The following SYNPR variants were observed in gnomAD, a reference collection of about 807,000 sequenced individuals.
The protein encoded by SYNPR is synaptoporin.
Under a neutral mutation model 32.9 loss-of-function variants are expected in SYNPR, and 23 were observed. That is an observed-to-expected ratio of 0.70 (90% CI 0.50 to 0.99). The LOEUF (loss-of-function observed/expected upper bound fraction) is 0.99, where lower values mean the gene tolerates loss of function less well. SYNPR is among the 50% of genes least tolerant of loss of function. The pLI is 0.00. For synonymous variants in SYNPR, 146 were observed against 135.9 expected (o/e 1.07, Z -0.52); for missense variants, 318 against 349.3 (o/e 0.91, Z 0.71).
intron 1 of SYNPR, among the ~76,000 whole-genome samples, chr3:63,237,598 G>A (rs1467643656): frequency 2.6e-5 from 4 of 152,068 alleles, no homozygotes; most frequent in Middle Eastern, 3.4e-3. Context: ...TTGGTTCTTA[G>A]TATGACGGAT....
At chr3:63,333,445 C>T (rs1478349381) in intron 2 of SYNPR, among the ~76,000 whole-genome samples, 1 of 152,130 alleles carries the variant, frequency 6.6e-6, no homozygotes, top group African/African-American at 2.4e-5. Context: ...GAAACAGACC[C>T]TTGTTCTGTA....
chr3:63,295,137 A>G (rs1446276455), intron 2 of SYNPR, among the ~76,000 whole-genome samples: 1 of 152,158 alleles, frequency 6.6e-6, no homozygotes, highest in Admixed American at 6.5e-5. Flanking sequence ...ATTAACTGAG[A>G]TAGCATTATG....
intron 2 of SYNPR, among the ~76,000 whole-genome samples, chr3:63,431,713 C>T (rs1699997837): frequency 6.6e-6 from 1 of 151,002 alleles, no homozygotes; most frequent in South Asian, 2.1e-4. Flanking sequence ...CACGAATCAT[C>T]AAGCCCATTA....
intron 2 of SYNPR, among the ~76,000 whole-genome samples, chr3:63,424,140 A>T (rs948143254): frequency 6.6e-6 from 1 of 152,214 alleles, no homozygotes; most frequent in Non-Finnish European, 1.5e-5. Context: ...TATCAATGTT[A>T]GTTCATTAAT....
At chr3:63,477,989 T>C (rs991712950) in intron 2 of SYNPR, among the ~76,000 whole-genome samples, 4 of 152,156 alleles carry the variant, frequency 2.6e-5, no homozygotes, top group African/African-American at 9.7e-5. Flanking sequence ...TGTTCGTTGA[T>C]CAAAGTACAT....
At chr3:63,287,905 A>C (rs770856730) in intron 2 of SYNPR, among the ~76,000 whole-genome samples, 4 of 152,198 alleles carry the variant, frequency 2.6e-5, no homozygotes, top group Non-Finnish European at 4.4e-5. Context: ...ATAAAAGTTC[A>C]AGGACTGAAA....
At chr3:63,369,175 C>T (rs1477738139) in intron 2 of SYNPR, among the ~76,000 whole-genome samples, 1 of 152,112 alleles carries the variant, frequency 6.6e-6, no homozygotes, top group Non-Finnish European at 1.5e-5. Flanking sequence ...AACATGCATG[C>T]ACAAAAGGCG....
intron 2 of SYNPR, among the ~76,000 whole-genome samples, chr3:63,403,320 C>T (rs576970065): frequency 4.6e-5 from 7 of 152,044 alleles, no homozygotes; most frequent in African/African-American, 9.6e-5. Flanking sequence ...ATAGAGTCCA[C>T]GAAGCCTTGG....
intron 1 of SYNPR, among the ~76,000 whole-genome samples, chr3:63,250,091 G>A (rs1342998226): frequency 6.6e-6 from 1 of 152,048 alleles, no homozygotes; most frequent in East Asian, 1.9e-4. Context: ...ATATAGCTGG[G>A]AGGAATAGGT....
intron 2 of SYNPR, among the ~76,000 whole-genome samples, chr3:63,431,718 C>T (rs1699998040): frequency 6.6e-6 from 1 of 151,218 alleles, no homozygotes; most frequent in Admixed American, 6.6e-5. Context: ...ATCATCAAGC[C>T]CATTAAAAAC....
chr3:63,608,052 T>C (rs2106902174), intron 4 of SYNPR, among the ~76,000 whole-genome samples: 1 of 152,334 alleles, frequency 6.6e-6, no homozygotes. Context: ...TTTATTATTT[T>C]AGGTAAGCAG....
intron 1 of SYNPR, among the ~76,000 whole-genome samples, chr3:63,229,157 T>C (rs1231346009): frequency 1.3e-5 from 2 of 152,144 alleles, no homozygotes; most frequent in African/African-American, 4.8e-5. Flanking sequence ...GCAAAAAACT[T>C]GACTTCCCTA....
At chr3:63,260,624 G>T (rs1325973161) in intron 2 of SYNPR, among the ~76,000 whole-genome samples, 1 of 152,084 alleles carries the variant, frequency 6.6e-6, no homozygotes, top group Non-Finnish European at 1.5e-5. Flanking sequence ...AACCCTAGAA[G>T]AAAACCTAGG....
chr3:63,204,913 C>G, the SYNPR span, among the ~76,000 whole-genome samples: 1 of 152,076 alleles, frequency 6.6e-6, no homozygotes, highest in Non-Finnish European at 1.5e-5. Context: ...GTTTCAAACT[C>G]CTGACCTCAG....
chr3:63,486,414 G>A (rs962004580), intron 3 of SYNPR, among the ~76,000 whole-genome samples: 3 of 152,130 alleles, frequency 2.0e-5, no homozygotes, highest in African/African-American at 7.2e-5. Context: ...ATTTCCCAGA[G>A]GCACCAGCAG....
intron 2 of SYNPR, among the ~76,000 whole-genome samples, chr3:63,298,461 A>G (rs922254577): frequency 2.0e-4 from 20 of 98,842 alleles, no homozygotes; most frequent in Non-Finnish European, 4.3e-4. Flanking sequence ...AACCAGCGTG[A>G]TGTAATAGGG....
At chr3:63,568,493 T>G (rs1702832253) in intron 4 of SYNPR, among the ~76,000 whole-genome samples, 1 of 152,200 alleles carries the variant, frequency 6.6e-6, no homozygotes, top group Non-Finnish European at 1.5e-5. Context: ...TATATAGTCC[T>G]GGCGGATGGT....
At chr3:63,203,068 G>GTGTATATATATATATA in the SYNPR span, 136 of 108,450 alleles carry the variant, frequency 1.3e-3, 2 homozygotes, top group African/African-American at 5.2e-3. Context: ...ATATGTATGT[G>GTGTATATATATATATA]TATATATATA....
At chr3:63,268,975 A>T (rs1337972436) in intron 3 of SYNPR, among the ~76,000 whole-genome samples, 1 of 152,218 alleles carries the variant, frequency 6.6e-6, no homozygotes. Context: ...GACTTTTGTT[A>T]TAATTTCAAT....
Sources: gnomAD v4.1 joint callset for allele counts (sites outside exome capture counted in the v4.1 genomes callset) on GRCh38, gnomAD v4.1.1 for gene constraint, MANE v1.5 for transcripts, NCBI Gene and HGNC (gene_info 2026-07-23, HGNC 2026-07-21) for gene names.